The following RAB5A variants were observed in gnomAD, a reference collection of about 807,000 sequenced individuals.
RAB5A encodes the protein RAB5A, member RAS oncogene family.
RAB5A carries 8 observed loss-of-function variants against 25.7 expected under a neutral mutation model. The ratio of observed to expected loss-of-function variants is 0.31; its 90% confidence interval spans 0.18 to 0.56. The LOEUF is 0.56. RAB5A is among the 20% of genes least tolerant of loss of function. The probability of loss-of-function intolerance (pLI) is 0.91; values close to 1 mark genes in which losing one functional copy is unlikely to be tolerated. For synonymous variants in RAB5A, 98 were observed against 89.8 expected, an observed-to-expected ratio of 1.09 and a Z score of -0.52; for missense variants, 192 against 259.7, an observed-to-expected ratio of 0.74 and a Z score of 1.79.
At chr3:19,978,027 T>G (rs1016525630) in intron 4 of RAB5A, among the ~76,000 whole-genome samples, 2 of 152,202 alleles carry the variant, frequency 1.3e-5, no homozygotes, top group Non-Finnish European at 2.9e-5. Context: ...CTCCCCCATC[T>G]CTGGAACTCA....
At chr3:19,951,184 T>C in intron 2 of RAB5A, 123 bp downstream of exon 2, 1 of 1,112,448 alleles carries the variant, frequency 9.0e-7, no homozygotes, top group Non-Finnish European at 1.2e-6. Flanking sequence ...AAAGAGCTGT[T>C]CAGCTTACCT....
chr3:19,958,317 G>A (rs1696535331), intron 2 of RAB5A, among the ~76,000 whole-genome samples: 2 of 152,300 alleles, frequency 1.3e-5, no homozygotes, highest in South Asian at 4.1e-4. Flanking sequence ...TTGTTACCCA[G>A]AGAAGTTGGT....
At chr3:19,954,556 A>G (rs1287516825) in intron 2 of RAB5A, among the ~76,000 whole-genome samples, 1 of 152,122 alleles carries the variant, frequency 6.6e-6, no homozygotes, top group Non-Finnish European at 1.5e-5. Context: ...GGTGGCTTGC[A>G]TCTGTAATCC....
chr3:19,959,141 T>C (rs148944814), intron 2 of RAB5A, among the ~76,000 whole-genome samples: 65 of 152,326 alleles, frequency 4.3e-4, no homozygotes, highest in African/African-American at 1.5e-3. Flanking sequence ...TCAAGCTGTT[T>C]GGTAGAATGA....
chr3:19,966,206 C>T (rs1431327795), intron 2 of RAB5A, among the ~76,000 whole-genome samples: 1 of 152,176 alleles, frequency 6.6e-6, no homozygotes, highest in African/African-American at 2.4e-5. Flanking sequence ...CCCCTTCTTC[C>T]CGTGTCTGGC....
intron 2 of RAB5A, among the ~76,000 whole-genome samples, chr3:19,973,180 A>G (rs1696776242): frequency 7.2e-5 from 11 of 152,158 alleles, no homozygotes; most frequent in Admixed American, 7.2e-4. Flanking sequence ...TTTGTTATCC[A>G]TTGGGGATTC....
At chr3:19,982,161 C>G (rs1696941389) in intron 5 of RAB5A, among the ~76,000 whole-genome samples, 1 of 151,962 alleles carries the variant, frequency 6.6e-6, no homozygotes, top group Admixed American at 6.6e-5. Context: ...TCTTTTGAGC[C>G]CAGGAGTTCA....
chr3:19,966,159 C>T (rs1001188261), intron 2 of RAB5A, among the ~76,000 whole-genome samples: 1 of 152,118 alleles, frequency 6.6e-6, no homozygotes, highest in East Asian at 1.9e-4. Context: ...ACTTTATCTT[C>T]CCTAGCTGAA....
chr3:19,957,283 CTACACGTGTGCATATAT>C (rs1184760149), intron 2 of RAB5A, among the ~76,000 whole-genome samples: 1 of 152,038 alleles, frequency 6.6e-6, no homozygotes, highest in African/African-American at 2.4e-5. Context: ...GGCTAAAGTA[CTACACGTGTGCATATAT>C]TAAAGTTTTT....
intron 2 of RAB5A, among the ~76,000 whole-genome samples, chr3:19,973,067 AT>A (rs1387457909): frequency 1.3e-5 from 2 of 152,244 alleles, no homozygotes; most frequent in African/African-American, 4.8e-5. Context: ...TGTATTAGAT[AT>A]TATAAGTAAT....
Position 19,960,722 on chromosome 3 carries a change from A to G in RAB5A, c.163+9661A>G, listed in dbSNP as rs140892028. On this transcript the variant is annotated intron_variant, in intron 2 of 5. Coordinates refer to ENST00000273047, the MANE Select transcript of RAB5A (RefSeq NM_004162.5). ...TGAAGTCATATGTTGGACTTTGAAA[A>G]TAAGAATGCTCTACAAATCAGAATA... Among the ~76,000 whole-genome samples the G allele has an allele frequency of 5.3e-5, 8 of 152,362 alleles. No individual in the cohort carries two copies. In the East Asian group the frequency reaches 1.5e-3, roughly 29 times the overall value.
At chr3:19,971,217 A>G (rs564310386) in intron 2 of RAB5A, among the ~76,000 whole-genome samples, 1 of 148,722 alleles carries the variant, frequency 6.7e-6, no homozygotes, top group Non-Finnish European at 1.5e-5. Flanking sequence ...AAAAAAAAAC[A>G]CTATAGTAGT....
chr3:19,953,871 G>A (rs980538243), intron 2 of RAB5A, among the ~76,000 whole-genome samples: 1 of 152,268 alleles, frequency 6.6e-6, no homozygotes, highest in Middle Eastern at 3.4e-3. Context: ...TAGATGTAAA[G>A]CATTTAAGAA....
rs1696988440 is a variant in RAB5A, at chr3:19,984,189, C to T, written c.*366C>T. On this transcript the variant is annotated 3_prime_UTR_variant, in exon 6 of 6. Transcript: ENST00000273047. The stretch of plus-strand genomic sequence containing the variant: ...GTCACCTGTGAAAAAAAAATTGGAA[C>T]TTACTAATTTGGGCTTTTCAAAAAC... 7 of 418,760 alleles carry T rather than the reference C, an allele frequency of 1.7e-5. No homozygotes were observed. The allele number at this position is 418,760 out of a possible 1,614,324, so 25.9% of individuals were successfully genotyped here. A position where few individuals can be genotyped will look rare whatever the true frequency, so the allele number is the denominator to read the frequency against.
intron 2 of RAB5A, among the ~76,000 whole-genome samples, chr3:19,953,257 C>T (rs1173135789): frequency 6.6e-6 from 1 of 151,990 alleles, no homozygotes; most frequent in African/African-American, 2.4e-5. Context: ...ATAAATATAT[C>T]TCTGATATGT....
At chr3:19,959,684 A>G (rs947098610) in intron 2 of RAB5A, among the ~76,000 whole-genome samples, 17 of 146,924 alleles carry the variant, frequency 1.2e-4, no homozygotes, top group South Asian at 4.2e-4. Flanking sequence ...GTGAAGTGCA[A>G]TGATGTGATC....
At chr3:19,981,220 C>A (rs758492040) in intron 5 of RAB5A, among the ~76,000 whole-genome samples, 10 of 152,134 alleles carry the variant, frequency 6.6e-5, no homozygotes, top group Admixed American at 1.3e-4. Flanking sequence ...GTTTGACTTA[C>A]GATTTTATAA....
chr3:19,977,288 G>T (rs1033686740), intron 4 of RAB5A, among the ~76,000 whole-genome samples: 22 of 152,002 alleles, frequency 1.4e-4, no homozygotes, highest in Non-Finnish European at 1.9e-4. Flanking sequence ...GTTAGCCAGG[G>T]TGGTCTCGAT....
intron 2 of RAB5A, 51 bp downstream of exon 2, chr3:19,951,112 G>C: frequency 6.3e-7 from 1 of 1,576,190 alleles, no homozygotes; most frequent in Non-Finnish European, 8.7e-7. Context: ...TACATTGACA[G>C]AAAATATTTT....
Sources: allele counts gnomAD v4.1 joint callset (sites outside exome capture counted in the v4.1 genomes callset), GRCh38; gene constraint gnomAD v4.1.1; transcripts MANE v1.5; gene names NCBI Gene and HGNC (gene_info 2026-07-23, HGNC 2026-07-21).